The following PLXDC2 variants were observed in gnomAD, a reference collection of about 807,000 sequenced individuals.
PLXDC2 encodes plexin domain-containing protein 2.
A neutral mutation model predicts 68.9 loss-of-function variants in PLXDC2; 40 were observed. The ratio of observed to expected loss-of-function variants is 0.58; its 90% CI spans 0.45 to 0.76. PLXDC2 has a LOEUF of 0.76. Ranked by LOEUF, PLXDC2 falls within the 30% of genes least tolerant of loss-of-function variation. The pLI is 0.00. For missense variants in PLXDC2, 644 were observed against 661.9 expected (o/e 0.97, Z 0.30); for synonymous variants, 243 against 234.2 (o/e 1.04, Z -0.34).
chr10:20,092,875 G>T (rs1434782921), intron 4 of PLXDC2, among the ~76,000 whole-genome samples: 3 of 152,018 alleles, frequency 2.0e-5, no homozygotes, highest in Non-Finnish European at 4.4e-5. Flanking sequence ...CAAGTCAAGG[G>T]ATGCCAGCCC....
At chr10:20,267,748 T>A (rs924415578) in intron 13 of PLXDC2, among the ~76,000 whole-genome samples, 2 of 150,050 alleles carry the variant, frequency 1.3e-5, no homozygotes, top group Non-Finnish European at 3.0e-5. Context: ...CTGAGTATTA[T>A]ACCATTGACT....
At chr10:20,151,037 A>C (rs1834145768) in intron 6 of PLXDC2, among the ~76,000 whole-genome samples, 1 of 151,740 alleles carries the variant, frequency 6.6e-6, no homozygotes, top group South Asian at 2.1e-4. Context: ...TTTATTATTT[A>C]CTTTACTTTA....
At chr10:19,968,139 G>A (rs368812259) in intron 1 of PLXDC2, among the ~76,000 whole-genome samples, 4 of 152,182 alleles carry the variant, frequency 2.6e-5, no homozygotes, top group Non-Finnish European at 5.9e-5. Flanking sequence ...TCCACTCAGC[G>A]TTAAGATGGG....
Position 20,289,365 on chromosome 10 carries a change from G to A in PLXDC2, c.*9546G>A, listed in dbSNP as rs1836200641. The stretch of plus-strand genomic sequence containing the variant: ...TCAGACAGATGGGATTTTAGCTGCT[G>A]CTTTAAATCCTAGTGCTGGAATAAG... On this transcript the variant is annotated 3_prime_UTR_variant, in exon 14 of 14. Transcript: ENST00000377252. 1 of 152,210 alleles carries A rather than the reference G, an allele frequency of 6.6e-6. No homozygotes were observed. The highest frequency in any genetic ancestry group is 2.4e-5 in the African/African-American group (1 of 41,442). 9.4% of individuals were successfully genotyped at this position (152,210 alleles called of 1,614,324 possible).
intron 3 of PLXDC2, among the ~76,000 whole-genome samples, chr10:20,063,735 C>A (rs569913661): frequency 1.3e-4 from 20 of 151,930 alleles, no homozygotes; most frequent in African/African-American, 4.8e-4. Context: ...GTCTGTTGCC[C>A]CGAGAAATTG....
intron 1 of PLXDC2, among the ~76,000 whole-genome samples, chr10:19,828,627 G>A (rs558307393): frequency 3.9e-5 from 6 of 152,336 alleles, no homozygotes; most frequent in Admixed American, 3.3e-4. Flanking sequence ...AAGATTTAAA[G>A]TCATTCTGCA....
chr10:20,111,589 A>C lies in PLXDC2; in HGVS notation c.542-31706A>C, dbSNP rs541860483. Among the ~76,000 whole-genome samples, 12 of 152,342 alleles carry C rather than the reference A, an allele frequency of 7.9e-5. 1 individual carries two copies. In the South Asian group the frequency reaches 2.1e-3, roughly 26 times the overall value. On this transcript the variant is annotated intron_variant, in intron 4 of 13. Coordinates refer to ENST00000377252, the MANE Select transcript of PLXDC2 (RefSeq NM_032812.9). ...AAACTGAAATGTTTGTTTTCTCAAT[A>C]AACAGTGTAAAAAGAATCACACTGT... is the stretch of plus-strand genomic sequence containing the variant.
chr10:19,881,440 C>G (rs1837725919), intron 1 of PLXDC2, among the ~76,000 whole-genome samples: 1 of 152,060 alleles, frequency 6.6e-6, no homozygotes, highest in Non-Finnish European at 1.5e-5. Flanking sequence ...AGAATGGAGC[C>G]TTTCACTTTC....
intron 9 of PLXDC2, among the ~76,000 whole-genome samples, chr10:20,196,370 A>G (rs1004641855): frequency 1.3e-5 from 2 of 152,182 alleles, no homozygotes; most frequent in Admixed American, 6.6e-5. Flanking sequence ...TCTTATTTTC[A>G]GTTAGCACTT....
intron 1 of PLXDC2, among the ~76,000 whole-genome samples, chr10:19,825,452 G>A (rs1350308381): frequency 6.6e-6 from 1 of 152,154 alleles, no homozygotes; most frequent in Non-Finnish European, 1.5e-5. Context: ...TGCTTGGTAA[G>A]TACACTCTGG....
At chr10:19,937,860 C>T (rs117806910) in intron 1 of PLXDC2, among the ~76,000 whole-genome samples, 2,632 of 152,114 alleles carry the variant, frequency 0.017, 28 homozygotes, top group Middle Eastern at 0.037. Context: ...AGTCCTTGGT[C>T]ACTATCCTGT....
intron 12 of PLXDC2, among the ~76,000 whole-genome samples, chr10:20,225,566 T>C (rs894364796): frequency 2.0e-5 from 3 of 152,210 alleles, no homozygotes; most frequent in Admixed American, 6.5e-5. Context: ...TAAGTATATA[T>C]GTATCATCAT....
chr10:20,107,419 G>A (rs1157946310), intron 4 of PLXDC2, among the ~76,000 whole-genome samples: 1 of 152,136 alleles, frequency 6.6e-6, no homozygotes, highest in Non-Finnish European at 1.5e-5. Flanking sequence ...TCTGAAAGAA[G>A]GCATATGCAT....
intron 10 of PLXDC2, among the ~76,000 whole-genome samples, chr10:20,213,336 G>A (rs1835094277): frequency 6.6e-6 from 1 of 151,712 alleles, no homozygotes; most frequent in African/African-American, 2.4e-5. Flanking sequence ...GCAATATCTT[G>A]CAAAGTCACC....
intron 4 of PLXDC2, among the ~76,000 whole-genome samples, chr10:20,126,296 CATATATACACATACGTTATATA>C (rs1452021826): frequency 1.8e-5 from 2 of 114,028 alleles, no homozygotes; most frequent in East Asian, 3.1e-4. Context: ...TTATATAATA[CATATATACACATACGTTATATA>C]ATATATACAT....
At chr10:20,177,539 A>T (rs1254452945) in intron 9 of PLXDC2, 130 bp downstream of exon 9, 2 of 327,108 alleles carry the variant, frequency 6.1e-6, no homozygotes, top group Admixed American at 1.0e-4. Flanking sequence ...AGAAAGTAGG[A>T]GGGATGCTTG....
At chr10:20,119,100 T>A (rs947378957) in intron 4 of PLXDC2, among the ~76,000 whole-genome samples, 1 of 151,966 alleles carries the variant, frequency 6.6e-6, no homozygotes, top group South Asian at 2.1e-4. Context: ...GGTAGAGGCA[T>A]CCAGGAGAGT....
chr10:20,007,600 A>G (rs1835047629), intron 2 of PLXDC2, among the ~76,000 whole-genome samples: 1 of 152,228 alleles, frequency 6.6e-6, no homozygotes, highest in South Asian at 2.1e-4. Flanking sequence ...GTACAGTTTC[A>G]TGATAAAAGT....
chr10:19,958,981 T>A (rs942763601), intron 1 of PLXDC2, among the ~76,000 whole-genome samples: 1 of 152,194 alleles, frequency 6.6e-6, no homozygotes, highest in Non-Finnish European at 1.5e-5. Context: ...TAACCAGGTT[T>A]TGTGGCCTAT....
Sources: allele counts gnomAD v4.1 joint callset (sites outside exome capture counted in the v4.1 genomes callset), GRCh38; gene constraint gnomAD v4.1.1; transcripts MANE v1.5; gene names NCBI Gene and HGNC (gene_info 2026-07-23, HGNC 2026-07-21).